The following SI variants were observed in gnomAD, a reference collection of about 807,000 sequenced individuals.
SI encodes sucrase-isomaltase.
In SI, 235 loss-of-function variants were observed where a neutral mutation model predicts 253.3. The ratio of observed to expected loss-of-function variants is 0.93; its 90% CI spans 0.83 to 1.03. The LOEUF is 1.03. Ranked by LOEUF, SI falls within the 50% of genes least tolerant of loss-of-function variation. The pLI is 0.00. For missense variants in SI, 2,442 were observed against 2,211.1 expected, an observed-to-expected ratio of 1.10 and a Z score of -2.09; for synonymous variants, 819 against 712.0, an observed-to-expected ratio of 1.15 and a Z score of -2.39.
Position 165,063,539 on chromosome 3 carries a change from A to T in SI, c.810T>A (p.Asn270Lys). The T allele has an allele frequency of 7.4e-7, 1 of 1,350,930 alleles. No homozygotes were observed. Among genetic ancestry groups the T allele is most frequent in the Non-Finnish European group, 1.1e-6 (1 of 947,744 alleles). The allele number at this position is 1,350,930 out of a possible 1,614,324, so 83.7% of individuals were successfully genotyped here. ...IFTRDQLPGD[N>K]NNNLYGHQTF... is the part of the protein sequence containing the mutation. ...TTTGATGGCCGTATAAATTATTATT[A>T]TTCTATAAGGCAAGAATTTGAAAAT... Residue 270 changes from asparagine (N) to lysine (K), a missense_variant and splice_region_variant, in exon 8 of 48, where the codon AAT (asparagine) becomes AAA (lysine). Physicochemically the swap from Asn to Lys is moderately conservative, Grantham distance 94. Transcript: ENST00000264382.
intron 44 of SI, among the ~76,000 whole-genome samples, 169 bp downstream of exon 44, chr3:164,991,184 T>C (rs530513323): frequency 6.6e-5 from 10 of 152,270 alleles, no homozygotes; most frequent in Admixed American, 2.6e-4. Context: ...TTTCTTGCTA[T>C]GCTATAAACC....
chr3:165,023,610 A>G lies in SI; in HGVS notation c.3059T>C (p.Val1020Ala), dbSNP rs1226746773. Reference sequence around the variant, plus strand: ...ATCATTTTTGTGATATTTCACCTCCACACGAAGAGTTGAGATGGGGTCAGA... The same window carrying G: ...ATCATTTTTGTGATATTTCACCTCCGCACGAAGAGTTGAGATGGGGTCAGA... ...LPSDPISTLR[V>A]EVKYHKNDML... Residue 1020 changes from valine to alanine, a missense_variant, in exon 26 of 48, where the codon GTG becomes GCG. Transcript: ENST00000264382. 26 of 1,610,768 alleles carry G rather than the reference A, an allele frequency of 1.6e-5. No homozygotes were observed. The highest frequency in any genetic ancestry group is 2.0e-5 in the Non-Finnish European group (24 of 1,177,864).
intron 36 of SI, 151 bp from the exon 37 acceptor site, chr3:165,007,105 T>G: frequency 1.6e-6 from 1 of 612,060 alleles, no homozygotes; most frequent in Non-Finnish European, 2.8e-6. Flanking sequence ...TTTGTATGAG[T>G]TAATTATCAA....
rs755618465 is a variant in SI at position 165,032,707 on chromosome 3, A to G, written c.2566-15T>C. On this transcript the variant is annotated splice_polypyrimidine_tract_variant and intron_variant, in intron 23 of 47. Transcript: ENST00000264382. ...TCTAATGTGTTCTGAGAAAAATAGT[A>G]TAAGATATTATATATTAGGTCATCA... 2.6e-6 allele frequency: 4 copies of G among 1,523,108 alleles called. No homozygotes were observed. The highest frequency in any genetic ancestry group is 3.6e-6 in the Non-Finnish European group (4 of 1,102,136). 94.3% of individuals were successfully genotyped at this position (1,523,108 alleles called of 1,614,324 possible).
At position 165,036,445 on chromosome 3, in the gene SI, A is replaced by G. The variant is rs1712534907; in HGVS notation, c.2459T>C (p.Leu820Ser). Reference protein sequence around the residue: ...RKNPLGLIVALGENNTAKGDF... With the variant: ...RKNPLGLIVASGENNTAKGDF... ...TCCTTTGGCTGTGTTGTTTTCACCT[A>G]ATGCGACTATAAGTCCTAGAGGATT... Residue 820 changes from leucine to serine, a missense_variant, in exon 22 of 48, where the codon TTA becomes TCA. Transcript: ENST00000264382. 6.2e-7 allele frequency: 1 copy of G among 1,611,506 alleles called. No individual in the cohort carries two copies. The highest frequency in any genetic ancestry group is 8.5e-7 in the Non-Finnish European group (1 of 1,178,328).
chr3:165,007,072 G>A, intron 36 of SI, 118 bp from the exon 37 acceptor site: 1 of 790,606 alleles, frequency 1.3e-6, no homozygotes, highest in Non-Finnish European at 2.0e-6. Context: ...TAAAACCTAT[G>A]TATATTTTAA....
intron 18 of SI, 58 bp from the exon 19 acceptor site, chr3:165,040,029 C>A: frequency 1.5e-6 from 2 of 1,347,032 alleles, no homozygotes; most frequent in Non-Finnish European, 1.1e-6. Context: ...TATCCAAATT[C>A]CTGGTTCAGT....
chr3:165,080,001 C>CCA (rs1715245299), upstream of SI, among the ~76,000 whole-genome samples: 1 of 151,874 alleles, frequency 6.6e-6, no homozygotes, highest in Non-Finnish European at 1.5e-5. Flanking sequence ...TAAATATAGA[C>CCA]AAGCTGATTG....
intron 15 of SI, among the ~76,000 whole-genome samples, chr3:165,048,841 T>C (rs967419291): frequency 1.3e-5 from 2 of 151,980 alleles, no homozygotes; most frequent in African/African-American, 4.8e-5. Context: ...GGTCTCAGAC[T>C]CCTGACTTCA....
intron 30 of SI, 42 bp downstream of exon 30, chr3:165,017,719 A>C (rs1213050694): frequency 6.3e-7 from 1 of 1,599,444 alleles, no homozygotes; most frequent in African/African-American, 1.4e-5. Flanking sequence ...ACTTTATGCT[A>C]TAAAAATTTT....
chr3:165,063,789 T>G (rs1714092524), intron 7 of SI, among the ~76,000 whole-genome samples: 1 of 150,264 alleles, frequency 6.7e-6, no homozygotes, highest in South Asian at 2.1e-4. Context: ...AATATATTAC[T>G]TAACTGTCCT....
intron 34 of SI, among the ~76,000 whole-genome samples, chr3:165,010,679 T>G (rs1718727932): frequency 6.6e-6 from 1 of 152,208 alleles, no homozygotes. Flanking sequence ...TAGTTTAACT[T>G]ATTCTATTAG....
At chr3:165,000,248 A>G (rs1428690329) in intron 37 of SI, among the ~76,000 whole-genome samples, 2 of 151,282 alleles carry the variant, frequency 1.3e-5, no homozygotes, top group African/African-American at 4.8e-5. Context: ...TATATCTTAC[A>G]CTTGAAAAAC....
chr3:164,990,415 G>A (rs1013103785), intron 44 of SI, among the ~76,000 whole-genome samples: 5 of 151,940 alleles, frequency 3.3e-5, no homozygotes, highest in Non-Finnish European at 7.4e-5. Context: ...AGATCATAAA[G>A]GTTTCATTTA....
Position 164,992,394 on chromosome 3 carries a change from G to T in SI, c.4845C>A (p.Phe1615Leu). 1 of 1,599,202 alleles carries T rather than the reference G, an allele frequency of 6.3e-7. No individual in the cohort carries two copies. The highest frequency in any genetic ancestry group is 8.6e-7 in the Non-Finnish European group (1 of 1,168,910). The change falls in exon 42 of 48, where the codon TTC becomes TTA. Residue 1615 changes from phenylalanine to leucine, a missense_variant. Physicochemically the swap from Phe to Leu is conservative, Grantham distance 22 (BLOSUM62 0). Coordinates refer to ENST00000264382, the MANE Select transcript of SI (RefSeq NM_001041.4). ...GTVIRPLLHEFFDEKPTWDIF... is the reference protein window; with the variant it reads ...GTVIRPLLHELFDEKPTWDIF... ...TATCCCAGGTTGGTTTTTCATCAAA[G>T]AACCTCGACAAAATTATCACAAATA...
chr3:165,067,364 A>C lies in SI; in HGVS notation c.611T>G (p.Ile204Ser). 6.2e-7 allele frequency: 1 copy of C among 1,610,908 alleles called. No individual in the cohort carries two copies. The highest frequency in any genetic ancestry group is 8.5e-7 in the Non-Finnish European group (1 of 1,177,856). Residue 204 changes from isoleucine to serine, a missense_variant, in exon 6 of 48, where the codon ATT becomes AGT. Transcript: ENST00000264382. ...VAQNPFSIQV[I>S]RKSNGKTLFD... ...CAAAGTTTTACCGTTGCTTTTCCTA[A>C]TAACTTGGATGCTAAATGGGTTTTG...
intron 37 of SI, among the ~76,000 whole-genome samples, chr3:165,004,356 G>A (rs1038875717): frequency 1.3e-5 from 2 of 152,130 alleles, no homozygotes; most frequent in African/African-American, 2.4e-5. Context: ...TGGTAAGAAT[G>A]TAAATTCATA....
rs145556619 is a variant in SI at position 164,982,379 on chromosome 3, C to G, written c.5279G>C (p.Gly1760Ala). The change falls in exon 47 of 48, where the codon GGT (glycine) becomes GCT (alanine). Residue 1760 changes from glycine (G) to alanine (A), a missense_variant. By Grantham distance (60) the Gly-to-Ala change is moderately conservative (BLOSUM62 0). Transcript: ENST00000264382. ...CCTCGTTTCACTTTTATTTATGTAA[C>G]CTCTCTTCAATATAGTGCTTGTTAA... The part of the protein sequence containing the change: ...TTLTSTILKR[G>A]YINKSETRLG... 17 of 1,612,054 alleles carry G rather than the reference C, an allele frequency of 1.1e-5. No individual in the cohort carries two copies. The highest frequency in any genetic ancestry group is 6.6e-5 in the South Asian group (6 of 91,026).
At chr3:165,045,304 A>G (rs1445423358) in intron 16 of SI, among the ~76,000 whole-genome samples, 1 of 152,050 alleles carries the variant, frequency 6.6e-6, no homozygotes, top group Non-Finnish European at 1.5e-5. Context: ...CCTTCTTATT[A>G]TTGAACAGGG....
Sources: gnomAD v4.1 joint callset for allele counts (sites outside exome capture counted in the v4.1 genomes callset) on GRCh38, gnomAD v4.1.1 for gene constraint, MANE v1.5 for transcripts, NCBI Gene and HGNC (gene_info 2026-07-23, HGNC 2026-07-21) for gene names.